LGMN: variants seen among roughly 807,000 people sequenced by gnomAD.
LGMN encodes asparaginyl endopeptidase.
Under a neutral mutation model 56.8 loss-of-function variants are expected in LGMN, and 36 were observed. That is an observed-to-expected ratio of 0.63 (90% CI 0.49 to 0.84). The LOEUF (loss-of-function observed/expected upper bound fraction) is 0.84, where lower values mean the gene tolerates loss of function less well. Among genes scored for constraint, LGMN ranks in the 40% least tolerant of loss-of-function variants. The pLI is 0.00. For missense variants in LGMN, 446 were observed against 556.1 expected, an observed-to-expected ratio of 0.80 and a Z score of 1.99; for synonymous variants, 199 against 210.1, an observed-to-expected ratio of 0.95 and a Z score of 0.46.
At chr14:92,732,374 G>T (rs1220739180) in intron 2 of LGMN, 2 of 374,922 alleles carry the variant, frequency 5.3e-6, no homozygotes, top group Non-Finnish European at 9.9e-6. Flanking sequence ...CAGTGCCAAG[G>T]TTCAGAAACC....
chr14:92,737,129 ATC>A (rs747769940), intron 1 of LGMN, among the ~76,000 whole-genome samples: 1 of 152,182 alleles, frequency 6.6e-6, no homozygotes, highest in African/African-American at 2.4e-5. Flanking sequence ...AGGCCAGGCC[ATC>A]TCTCTCACAA....
intron 1 of LGMN, among the ~76,000 whole-genome samples, chr14:92,742,138 T>G (rs1891583130): frequency 6.7e-6 from 1 of 150,304 alleles, no homozygotes; most frequent in South Asian, 2.1e-4. Flanking sequence ...ATACTGAATA[T>G]TTTAAGGAAT....
chr14:92,716,046 G>A (rs1384261570), intron 5 of LGMN, 90 bp downstream of exon 5: 1 of 853,310 alleles, frequency 1.2e-6, no homozygotes, highest in Admixed American at 2.3e-5. Context: ...AGGTAAACAG[G>A]CTAGGGGCAC....
rs1300638995 is a variant in LGMN, at chr14:92,714,228, T to C, written c.480+148A>G. ...AGATGTCCTTGGATAGATTTCAAGC[T>C]GCTAAACCTGTCCCCCACTCCCACC... On this transcript the variant is annotated intron_variant, in intron 6 of 13. Coordinates refer to ENST00000334869, the MANE Select transcript of LGMN (RefSeq NM_005606.7). This position sits in a 1 kb window ranked among gnomAD's most constrained non-coding sequence, Gnocchi z 5.1. 4.8e-6 allele frequency: 3 copies of C among 630,826 alleles called. No homozygotes were observed. In the East Asian group the frequency reaches 8.1e-5, roughly 17 times the overall value. The allele number at this position is 630,826 out of a possible 1,614,324, so 39.1% of individuals were successfully genotyped here.
chr14:92,728,727 G>T (rs564571931), intron 2 of LGMN, among the ~76,000 whole-genome samples: 1 of 152,208 alleles, frequency 6.6e-6, no homozygotes, highest in Non-Finnish European at 1.5e-5. Context: ...CATGACTAGA[G>T]TAGTGATTAT....
chr14:92,715,167 T>C (rs1288884131), intron 5 of LGMN, among the ~76,000 whole-genome samples: 1 of 151,602 alleles, frequency 6.6e-6, no homozygotes, highest in African/African-American at 2.4e-5. Flanking sequence ...CCTGGTTAAT[T>C]TTTGTATTTT....
intron 2 of LGMN, among the ~76,000 whole-genome samples, chr14:92,719,868 T>G (rs1890365326): frequency 6.6e-6 from 1 of 152,238 alleles, no homozygotes; most frequent in Non-Finnish European, 1.5e-5. Flanking sequence ...TGCTTACATT[T>G]AATTTTGTCA....
At chr14:92,734,436 A>G (rs752328893) in intron 1 of LGMN, among the ~76,000 whole-genome samples, 49 of 152,028 alleles carry the variant, frequency 3.2e-4, no homozygotes, top group Non-Finnish European at 6.5e-4. Context: ...CCTGTCCAAC[A>G]TGGCAAAACC....
At chr14:92,705,417 G>C (rs1889378901) in intron 12 of LGMN, among the ~76,000 whole-genome samples, 1 of 151,884 alleles carries the variant, frequency 6.6e-6, no homozygotes, top group Admixed American at 6.6e-5. Context: ...CAGGAGAATT[G>C]CTTGAACCCA....
In LGMN at chr14:92,704,635, G is replaced by A. The variant is rs1188646793; in HGVS notation, c.1259+5C>T. 6.2e-7 allele frequency: 1 copy of A among 1,608,680 alleles called. No homozygotes were observed. The highest frequency in any genetic ancestry group is 8.5e-7 in the Non-Finnish European group (1 of 1,175,088). On this transcript the variant is annotated splice_donor_5th_base_variant and intron_variant, in intron 13 of 13. Transcript: ENST00000334869. ...CCTTTCAAGCGTCACCGCTGCATTA[G>A]TTACCTGTGAAGCGGATACGGCTTC...
At chr14:92,719,342 C>A (rs1890329238) in intron 2 of LGMN, among the ~76,000 whole-genome samples, 1 of 137,658 alleles carries the variant, frequency 7.3e-6, no homozygotes, top group Non-Finnish European at 1.6e-5. Context: ...ACCGCCATCA[C>A]CGCCACCACC....
rs112402463 is a variant in LGMN at position 92,739,364 on chromosome 14, G to C, written c.-29-6549C>G. On this transcript the variant is annotated intron_variant, in intron 1 of 13. Transcript: ENST00000334869. ...CTGTTTTTGGCTGTGGCTCTCCAGG[G>C]TCCCCATTACACAGGCCTCATCTCA... 6.7e-3 allele frequency among the ~76,000 whole-genome samples: 1,019 copies of C among 152,154 alleles called. 3 individuals are homozygous for C. Among genetic ancestry groups the C allele is most frequent in the Middle Eastern group, 0.014 (4 of 294 alleles).
intron 1 of LGMN, among the ~76,000 whole-genome samples, chr14:92,739,454 A>G (rs1891452061): frequency 6.6e-6 from 1 of 152,010 alleles, no homozygotes; most frequent in Admixed American, 6.6e-5. Context: ...ACTCTCTCCT[A>G]CATTCACCCC....
intron 10 of LGMN, among the ~76,000 whole-genome samples, chr14:92,711,056 G>C (rs1264472803): frequency 6.6e-6 from 1 of 152,172 alleles, no homozygotes; most frequent in East Asian, 1.9e-4. Context: ...CATTTGTTAC[G>C]GTGTTTGCAC....
At chr14:92,747,801 T>G (rs535590738) in intron 1 of LGMN, among the ~76,000 whole-genome samples, 16 of 152,284 alleles carry the variant, frequency 1.1e-4, no homozygotes, top group Admixed American at 9.8e-4. Flanking sequence ...CTCCTTTTCA[T>G]CTATAAAACA....
chr14:92,707,354 C>T (rs1889491076), intron 11 of LGMN, among the ~76,000 whole-genome samples: 1 of 152,248 alleles, frequency 6.6e-6, no homozygotes, highest in African/African-American at 2.4e-5. Context: ...CCTCCACCCA[C>T]TGTGTGTTAG....
chr14:92,714,517 G>T lies in LGMN; in HGVS notation c.405-66C>A. On this transcript the variant is annotated intron_variant, in intron 5 of 13. Transcript: ENST00000334869. The surrounding 1 kb of genome is among the most constrained non-coding windows in gnomAD (Gnocchi z 5.1). ...GTTTTTACTTCTATTTCTCTGAAAA[G>T]CTGCCCTAATCAAAAAATTAAGAAG... 2 of 1,211,710 alleles carry T rather than the reference G, an allele frequency of 1.7e-6. No homozygotes were observed. Among genetic ancestry groups the T allele is most frequent in the Non-Finnish European group, 2.4e-6 (2 of 833,380 alleles). The allele number at this position is 1,211,710 out of a possible 1,614,324, so 75.1% of individuals were successfully genotyped here. A position where few individuals can be genotyped will look rare whatever the true frequency, so the allele number is the denominator to read the frequency against.
At chr14:92,724,753 G>A (rs1890662407) in intron 2 of LGMN, among the ~76,000 whole-genome samples, 1 of 152,196 alleles carries the variant, frequency 6.6e-6, no homozygotes, top group Non-Finnish European at 1.5e-5. Flanking sequence ...TTTGCCGATA[G>A]GGCAACTGTC....
At position 92,706,653 on chromosome 14, in the gene LGMN, C is replaced by T; in HGVS notation, c.1021G>A (p.Ala341Thr). ...LTEEIQRHLD[A>T]RHLIEKSVRK... ...ACTGACTTCTCAATGAGGTGCCTGG[C>T]CTGGGGAGAAACGCGGCCTGTCAGA... Residue 341 changes from alanine (A) to threonine (T), a missense_variant and splice_region_variant, in exon 12 of 14, where the codon GCC becomes ACC. Coordinates refer to ENST00000334869, the MANE Select transcript of LGMN (RefSeq NM_005606.7). 3 of 1,570,098 alleles carry T rather than the reference C, an allele frequency of 1.9e-6. No individual in the cohort carries two copies. Among genetic ancestry groups the T allele is most frequent in the African/African-American group, 1.3e-5 (1 of 74,278 alleles).
Sources: allele counts gnomAD v4.1 joint callset (sites outside exome capture counted in the v4.1 genomes callset), GRCh38; gene constraint gnomAD v4.1.1; non-coding constraint Gnocchi (gnomAD v3.1); transcripts MANE v1.5; gene names NCBI Gene and HGNC (gene_info 2026-07-23, HGNC 2026-07-21).